The following ARFGEF2 variants were observed in gnomAD, a reference collection of about 807,000 sequenced individuals.
The protein encoded by ARFGEF2 is ARF guanine nucleotide exchange factor 2, also known as brefeldin A-inhibited guanine nucleotide-exchange protein 2.
Under a neutral mutation model 219.9 loss-of-function variants are expected in ARFGEF2, and 74 were observed. That is an observed-to-expected ratio of 0.34 (90% confidence interval 0.28 to 0.41). ARFGEF2 has a LOEUF of 0.41. ARFGEF2 is among the 10% of genes least tolerant of loss of function. ARFGEF2 has a pLI of 1.00. For missense variants in ARFGEF2, 1,743 were observed against 2,218.3 expected (o/e 0.79, Z 4.30); for synonymous variants, 733 against 799.2 (o/e 0.92, Z 1.40).
chr20:49,016,167 C>G (rs2091528491), intron 30 of ARFGEF2, 113 bp from the exon 31 acceptor site: 4 of 1,084,940 alleles, frequency 3.7e-6, no homozygotes, highest in Non-Finnish European at 5.5e-6. Flanking sequence ...AAGACGTATT[C>G]TTGATACATA....
At chr20:48,963,528 T>A (rs1481578029) in intron 6 of ARFGEF2, among the ~76,000 whole-genome samples, 1 of 152,002 alleles carries the variant, frequency 6.6e-6, no homozygotes, top group East Asian at 1.9e-4. Flanking sequence ...TGCCTCCAAG[T>A]TGGGGGTGGT....
At position 49,033,188 on chromosome 20, in the gene ARFGEF2, C is replaced by A; in HGVS notation, c.5347C>A (p.Pro1783Thr). 6.2e-7 allele frequency: 1 copy of A among 1,614,212 alleles called. No homozygotes were observed. Among genetic ancestry groups the A allele is most frequent in the Non-Finnish European group, 8.5e-7 (1 of 1,180,030 alleles). Residue 1783 changes from proline (P) to threonine (T), a missense_variant, in exon 39 of 39, where the codon CCA becomes ACA. Physicochemically the swap from Pro to Thr is conservative, Grantham distance 38. Transcript: ENST00000371917. ...EPSQVPAALS[P>T]VW Reference sequence around the variant, plus strand: ...ATCACAGGTACCAGCAGCACTGTCACCAGTGTGGTAGCCCTGGCTGCCCAG... The same window carrying A: ...ATCACAGGTACCAGCAGCACTGTCAACAGTGTGGTAGCCCTGGCTGCCCAG...
At chr20:48,958,523 G>A (rs1021712053) in intron 6 of ARFGEF2, among the ~76,000 whole-genome samples, 25 of 151,018 alleles carry the variant, frequency 1.7e-4, no homozygotes, top group East Asian at 7.8e-4. Flanking sequence ...TGCAAGCTCC[G>A]CCTCCTGGGT....
At position 49,013,613 on chromosome 20, in the gene ARFGEF2, G is replaced by A. The variant is rs2091513723; in HGVS notation, c.3968G>A (p.Arg1323Lys). The change falls in exon 29 of 39, where the codon AGA becomes AAA. Residue 1323 changes from arginine to lysine, a missense_variant. Physicochemically the swap from Arg to Lys is conservative, Grantham distance 26. This residue lies in a region of ARFGEF2 where 578 missense variants were observed against 664.0 expected (regional missense o/e 0.87). Transcript: ENST00000371917. The stretch of plus-strand genomic sequence containing the variant: ...GACATGAATGTAGCTCCTGGTGACA[G>A]AGTCTGGGTCCGAGGCTGGTTCCCC... ...SDDMNVAPGD[R>K]VWVRGWFPIL... 1 of 1,614,048 alleles carries A rather than the reference G, an allele frequency of 6.2e-7. No homozygotes were observed. Among genetic ancestry groups the A allele is most frequent in the African/African-American group, 1.3e-5 (1 of 74,922 alleles).
At chr20:48,992,332 C>T (rs2091361872) in intron 21 of ARFGEF2, among the ~76,000 whole-genome samples, 2 of 152,092 alleles carry the variant, frequency 1.3e-5, no homozygotes, top group African/African-American at 4.8e-5. Flanking sequence ...TTTCTGCCAT[C>T]TACATGTATT....
rs2091650882 is a variant in ARFGEF2 at position 49,033,776 on chromosome 20, T to TA, written c.*577_*578insA. On this transcript the variant is annotated 3_prime_UTR_variant, in exon 39 of 39. Coordinates refer to ENST00000371917, the MANE Select transcript of ARFGEF2 (RefSeq NM_006420.3). ...TGTGTTTTGTTAATGTCTGAGTGAT[T>TA]TTTAAAGTATTTTACAAAAAGATAT... The TA allele has an allele frequency of 6.5e-6, 1 of 152,710 alleles. No individual in the cohort carries two copies. Among genetic ancestry groups the TA allele is most frequent in the African/African-American group, 2.4e-5 (1 of 41,450 alleles). The allele number at this position is 152,710 out of a possible 1,614,324, so 9.5% of individuals were successfully genotyped here. A position where few individuals can be genotyped will look rare whatever the true frequency, so the allele number is the denominator to read the frequency against.
intron 25 of ARFGEF2, among the ~76,000 whole-genome samples, chr20:49,002,178 C>T (rs1303197872): frequency 1.3e-5 from 2 of 152,156 alleles, no homozygotes; most frequent in Non-Finnish European, 2.9e-5. Context: ...GTGGAGGTTG[C>T]AGTGAGCAGA....
chr20:49,021,802 G>A (rs1270561429), intron 34 of ARFGEF2, among the ~76,000 whole-genome samples: 1 of 146,482 alleles, frequency 6.8e-6, no homozygotes, highest in Non-Finnish European at 1.5e-5. Flanking sequence ...CAAAGATCAC[G>A]CCACTGCACT....
chr20:48,958,585 C>T (rs768223151), intron 6 of ARFGEF2, among the ~76,000 whole-genome samples: 5 of 150,812 alleles, frequency 3.3e-5, no homozygotes, highest in South Asian at 2.1e-4. Flanking sequence ...TACAGGAGCC[C>T]GCCACTACGC....
intron 1 of ARFGEF2, among the ~76,000 whole-genome samples, chr20:48,931,531 T>C (rs1185314015): frequency 6.6e-6 from 1 of 152,052 alleles, no homozygotes; most frequent in Admixed American, 6.5e-5. Flanking sequence ...AAAAATGAAT[T>C]AGTAAAGTGA....
chr20:49,032,015 G>GT (rs2091638913), intron 37 of ARFGEF2, 34 bp from the exon 38 acceptor site: 1 of 1,392,224 alleles, frequency 7.2e-7, no homozygotes, highest in Non-Finnish European at 1.0e-6. Context: ...TTAATCAATT[G>GT]TTTGATATGC....
At position 49,036,392 on chromosome 20, in the gene ARFGEF2, T is replaced by C. The variant is rs1010513425; in HGVS notation, c.*3193T>C. Reference sequence around the variant, plus strand: ...CAGTGTTCTAATTTTTAAAAAATTTTATCTGCATATTTGCATCAAATATTT... The same window carrying C: ...CAGTGTTCTAATTTTTAAAAAATTTCATCTGCATATTTGCATCAAATATTT... On this transcript the variant is annotated 3_prime_UTR_variant, in exon 39 of 39. Coordinates refer to ENST00000371917, the MANE Select transcript of ARFGEF2 (RefSeq NM_006420.3). The C allele has an allele frequency of 1.3e-5, 5 of 396,394 alleles. No homozygotes were observed. Among genetic ancestry groups the C allele is most frequent in the Non-Finnish European group, 2.2e-5 (5 of 225,262 alleles). The allele number at this position is 396,394 out of a possible 1,614,324, so 24.6% of individuals were successfully genotyped here.
In ARFGEF2 at chr20:48,971,280, G is replaced by A. The variant is rs780896724; in HGVS notation, c.1351G>A (p.Val451Ile). The change falls in exon 10 of 39, where the codon GTC (valine) becomes ATC (isoleucine). Residue 451 changes from valine (V) to isoleucine (I), a missense_variant. Val to Ile is a conservative substitution (Grantham distance 29, BLOSUM62 3). Coordinates refer to ENST00000371917, the MANE Select transcript of ARFGEF2 (RefSeq NM_006420.3). ...SKNGVSSVPD[V>I]FELSLAIFLT... ...AAACGGCGTCTCTTCAGTGCCTGAT[G>A]TCTTTGAGCTCTCTCTTGCCATTTT... is the stretch of plus-strand genomic sequence containing the variant. 1 of 1,614,022 alleles carries A rather than the reference G, an allele frequency of 6.2e-7. No homozygotes were observed. The highest frequency in any genetic ancestry group is 1.3e-5 in the African/African-American group (1 of 74,910).
chr20:49,005,298 A>C, intron 26 of ARFGEF2, 77 bp downstream of exon 26: 1 of 1,566,420 alleles, frequency 6.4e-7, no homozygotes, highest in Non-Finnish European at 8.7e-7. Context: ...CACTAACCAC[A>C]TGATTAATTT....
chr20:48,993,677 C>G lies in ARFGEF2; in HGVS notation c.2974-774C>G, dbSNP rs147298936. Among the ~76,000 whole-genome samples the G allele has an allele frequency of 1.8e-3, 267 of 152,186 alleles. 1 individual carries two copies. Among genetic ancestry groups the G allele is most frequent in the African/African-American group, 6.2e-3 (256 of 41,500 alleles). On this transcript the variant is annotated intron_variant, in intron 21 of 38. Coordinates refer to ENST00000371917, the MANE Select transcript of ARFGEF2 (RefSeq NM_006420.3). ...TGTTTCCTCTGACAGAAGTTGGGAC[C>G]AGTTTCTGTTTCTACAGCTGAGCTT... is the stretch of plus-strand genomic sequence containing the variant.
intron 33 of ARFGEF2, 101 bp from the exon 34 acceptor site, chr20:49,018,783 C>A: frequency 1.1e-6 from 1 of 912,306 alleles, no homozygotes; most frequent in Non-Finnish European, 1.8e-6. Context: ...AAGCAAGGCA[C>A]TTAAATACAG....
intron 36 of ARFGEF2, among the ~76,000 whole-genome samples, chr20:49,025,914 G>A (rs1010690283): frequency 2.0e-5 from 3 of 152,080 alleles, no homozygotes; most frequent in South Asian, 4.1e-4. Flanking sequence ...CCCGGAAGGC[G>A]GAGGTTGCGG....
intron 7 of ARFGEF2, among the ~76,000 whole-genome samples, 183 bp from the exon 8 acceptor site, chr20:48,965,689 A>G (rs2091182971): frequency 6.6e-6 from 1 of 152,240 alleles, no homozygotes; most frequent in African/African-American, 2.4e-5. Context: ...AAACACTCGT[A>G]AGGCTTAAGC....
chr20:48,991,127 A>G lies in ARFGEF2; in HGVS notation c.2902A>G (p.Ile968Val). The part of the protein sequence containing the change: ...SSITEMKQKN[I>V]DTIKTLITVA... ...CATCACAGAAATGAAGCAGAAAAAC[A>G]TCGACACCATTAAGACGCTTATCAC... The change falls in exon 21 of 39, where the codon ATC becomes GTC. Residue 968 changes from isoleucine (I) to valine (V), a missense_variant. Physicochemically the swap from Ile to Val is conservative, Grantham distance 29 (BLOSUM62 3). Around this residue, in one of 5 missense-constraint regions of ARFGEF2, gnomAD observed 666 missense variants for 955.4 expected, o/e 0.70. Coordinates refer to ENST00000371917, the MANE Select transcript of ARFGEF2 (RefSeq NM_006420.3). 2.5e-6 allele frequency: 4 copies of G among 1,614,190 alleles called. No homozygotes were observed. Among genetic ancestry groups the G allele is most frequent in the Non-Finnish European group, 3.4e-6 (4 of 1,180,040 alleles).
Sources: allele counts gnomAD v4.1 joint callset (sites outside exome capture counted in the v4.1 genomes callset), GRCh38; gene constraint gnomAD v4.1.1; regional missense constraint gnomAD v4.1.1; transcripts MANE v1.5; gene names NCBI Gene and HGNC (gene_info 2026-07-23, HGNC 2026-07-21).